SCN11A: variants seen among roughly 807,000 people sequenced by gnomAD.
The protein encoded by SCN11A is sodium voltage-gated channel alpha subunit 11.
In SCN11A, 122 loss-of-function variants were observed where a neutral mutation model predicts 162.2. The ratio of observed to expected loss-of-function variants is 0.75; its 90% CI spans 0.65 to 0.87. The LOEUF is 0.87. SCN11A is among the 40% of genes least tolerant of loss of function. SCN11A has a pLI of 0.00. For missense variants in SCN11A, 2,015 were observed against 2,181.6 expected, an observed-to-expected ratio of 0.92 and a Z score of 1.52; for synonymous variants, 758 against 751.5, an observed-to-expected ratio of 1.01 and a Z score of -0.14.
chr3:38,858,767 T>C (rs540481362), intron 28 of SCN11A, among the ~76,000 whole-genome samples: 1 of 152,082 alleles, frequency 6.6e-6, no homozygotes, highest in Admixed American at 6.6e-5. Context: ...GACCATATGA[T>C]AGATCACAAA....
chr3:38,988,943 T>G (rs928443828), intron 2 of SCN11A, among the ~76,000 whole-genome samples: 2 of 152,138 alleles, frequency 1.3e-5, no homozygotes, highest in Non-Finnish European at 2.9e-5. Flanking sequence ...TGTGGTTTTT[T>G]AAAAACAATG....
Position 38,896,866 on chromosome 3 carries a change from G to T in SCN11A, c.2382C>A (p.Ile794=). 1 of 1,571,730 alleles carries T rather than the reference G, an allele frequency of 6.4e-7. No homozygotes were observed. Among genetic ancestry groups the T allele is most frequent in the South Asian group, 1.2e-5 (1 of 86,180 alleles). The change falls in exon 18 of 30, where the codon ATC becomes ATA. Residue 794 remains isoleucine (I), a synonymous_variant. Transcript: ENST00000302328. ...SSLCVIVFIL[I]TVIGKLVVLN... ...ATACCACAAGTTTTCCTATCACCGTGATCAATATGAAGACAATAACACACA... is the reference window on the plus strand; with the variant it reads ...ATACCACAAGTTTTCCTATCACCGTTATCAATATGAAGACAATAACACACA...
rs534405343 is a variant in SCN11A at position 38,954,631 on chromosome 3, A to AAAAC, written c.-138-876_-138-873dup. 5.5e-3 allele frequency among the ~76,000 whole-genome samples: 829 copies of AAAAC among 152,076 alleles called. 3 individuals are homozygous for AAAAC. The highest frequency in any genetic ancestry group is 8.8e-3 in the Admixed American group (134 of 15,278). On this transcript the variant is annotated intron_variant, in intron 3 of 29. Transcript: ENST00000302328. ...AGTAAAATTTGTTATAGATGATAAA[A>AAAAC]AAACAAACAAACAAACAAACAAAAA...
At chr3:38,923,697 T>C (rs1258869560) in intron 9 of SCN11A, among the ~76,000 whole-genome samples, 1 of 152,118 alleles carries the variant, frequency 6.6e-6, no homozygotes, top group Non-Finnish European at 1.5e-5. Flanking sequence ...TTGCTTGGAT[T>C]ATGGTCTCTT....
At chr3:38,961,039 G>A (rs1391847620) in intron 2 of SCN11A, among the ~76,000 whole-genome samples, 1 of 152,140 alleles carries the variant, frequency 6.6e-6, no homozygotes, top group Non-Finnish European at 1.5e-5. Context: ...TCCCTGGAAA[G>A]TATCACACCA....
rs778447109 is a variant in SCN11A at position 38,847,017 on chromosome 3, T to C, written c.5053A>G (p.Ile1685Val). ...ACCCTAGCGGTGAAGGCGAAAAGAA[T>C]ATCCATGCAGTGGAGGCGATCTTCA... ...VSEDRLHCMDILFAFTARVLG... is the reference protein window; with the variant it reads ...VSEDRLHCMDVLFAFTARVLG... The change falls in exon 30 of 30, where the codon ATT (isoleucine) becomes GTT (valine). Residue 1685 changes from isoleucine to valine, a missense_variant. By Grantham distance (29) the Ile-to-Val change is conservative. Coordinates refer to ENST00000302328, the MANE Select transcript of SCN11A (RefSeq NM_001349253.2). 1 of 1,613,984 alleles carries C rather than the reference T, an allele frequency of 6.2e-7. No homozygotes were observed. Among genetic ancestry groups the C allele is most frequent in the African/African-American group, 1.3e-5 (1 of 74,900 alleles).
At chr3:38,901,939 A>T (rs1226177166) in intron 16 of SCN11A, among the ~76,000 whole-genome samples, 1 of 152,120 alleles carries the variant, frequency 6.6e-6, no homozygotes, top group Non-Finnish European at 1.5e-5. Flanking sequence ...AATGTCAATC[A>T]CTCAGTTTCC....
At chr3:38,973,699 A>T (rs1429469745) in intron 2 of SCN11A, among the ~76,000 whole-genome samples, 1 of 152,202 alleles carries the variant, frequency 6.6e-6, no homozygotes, top group East Asian at 1.9e-4. Flanking sequence ...GATGGAAGAG[A>T]GTGTTGGAAG....
chr3:38,853,811 T>C (rs1046040379), intron 28 of SCN11A, among the ~76,000 whole-genome samples: 2 of 152,220 alleles, frequency 1.3e-5, no homozygotes, highest in Admixed American at 6.5e-5. Context: ...CTATGGAGCA[T>C]TCAAACTCAC....
chr3:39,014,977 A>G (rs1312360319), intron 2 of SCN11A, among the ~76,000 whole-genome samples: 1 of 152,162 alleles, frequency 6.6e-6, no homozygotes, highest in Non-Finnish European at 1.5e-5. Context: ...TGGTGTGGGA[A>G]AGTCCATGCT....
At chr3:39,017,629 C>T (rs1559575577) in intron 2 of SCN11A, among the ~76,000 whole-genome samples, 1 of 152,016 alleles carries the variant, frequency 6.6e-6, no homozygotes, top group Non-Finnish European at 1.5e-5. Context: ...TCTCTCTTTC[C>T]TCTCTTTTGG....
chr3:39,043,800 A>C (rs1350232106), intron 1 of SCN11A, among the ~76,000 whole-genome samples: 2 of 152,200 alleles, frequency 1.3e-5, no homozygotes, highest in Non-Finnish European at 2.9e-5. Flanking sequence ...TAATACTTTA[A>C]TTGTACATTT....
intron 15 of SCN11A, 58 bp downstream of exon 15, chr3:38,905,134 A>T: frequency 1.2e-6 from 2 of 1,609,576 alleles, no homozygotes; most frequent in Non-Finnish European, 1.7e-6. Context: ...TGGGAAGAAG[A>T]AGAATGGAAG....
At chr3:38,876,848 T>C (rs184304632) in intron 23 of SCN11A, among the ~76,000 whole-genome samples, 101 of 152,042 alleles carry the variant, frequency 6.6e-4, no homozygotes, top group Middle Eastern at 3.4e-3. Flanking sequence ...ATCCCACTAA[T>C]GTGTATCTAC....
intron 7 of SCN11A, among the ~76,000 whole-genome samples, chr3:38,943,049 C>T (rs1258011545): frequency 6.6e-6 from 1 of 151,822 alleles, no homozygotes; most frequent in African/African-American, 2.4e-5. Flanking sequence ...CATAATAGCC[C>T]TAAACTGGAA....
chr3:38,851,881 CA>C, intron 28 of SCN11A, among the ~76,000 whole-genome samples: 1 of 152,092 alleles, frequency 6.6e-6, no homozygotes, highest in East Asian at 1.9e-4. Context: ...CAAGAACCGT[CA>C]GAGAATTCAA....
chr3:38,850,222 A>G lies in SCN11A; in HGVS notation c.4327+259T>C, dbSNP rs116807211. 1,652 of 377,594 alleles carry G rather than the reference A, an allele frequency of 4.4e-3. 33 individuals carry two copies. Among genetic ancestry groups the G allele is most frequent in the African/African-American group, 0.031 (1,491 of 47,948 alleles). The allele number at this position is 377,594 out of a possible 1,614,324, so 23.4% of individuals were successfully genotyped here. A position where few individuals can be genotyped will look rare whatever the true frequency, so the allele number is the denominator to read the frequency against. ...CTTCTGAGTCATTTTAATTTTGTCT[A>G]TTTCCATTGAATACATTAGCTGCAT... is the stretch of plus-strand genomic sequence containing the variant. On this transcript the variant is annotated intron_variant, in intron 29 of 29. Coordinates refer to ENST00000302328, the MANE Select transcript of SCN11A (RefSeq NM_001349253.2).
chr3:38,847,794 G>T, intron 29 of SCN11A, 52 bp from the exon 30 acceptor site: 1 of 1,163,820 alleles, frequency 8.6e-7, no homozygotes, highest in South Asian at 1.5e-5. Flanking sequence ...ACTGGTTTCA[G>T]ATCCAGCCTG....
intron 2 of SCN11A, among the ~76,000 whole-genome samples, chr3:39,022,198 CTA>C (rs1233049897): frequency 1.3e-5 from 2 of 152,174 alleles, no homozygotes; most frequent in Non-Finnish European, 2.9e-5. Context: ...GCTGACATTG[CTA>C]TGTTTTGTCC....
Sources: gnomAD v4.1 joint callset for allele counts (sites outside exome capture counted in the v4.1 genomes callset) on GRCh38, gnomAD v4.1.1 for gene constraint, MANE v1.5 for transcripts, NCBI Gene and HGNC (gene_info 2026-07-23, HGNC 2026-07-21) for gene names.